Variants in SENP6 observed in about 807,000 individuals in gnomAD.
SENP6 encodes the protein sentrin-specific protease 6.
A neutral mutation model predicts 134.5 loss-of-function variants in SENP6; 41 were observed. The observed-to-expected ratio is 0.30, with a 90% CI of 0.24 to 0.40. The LOEUF is 0.40. SENP6 is among the 10% of genes least tolerant of loss of function. SENP6 has a pLI of 1.00. For synonymous variants in SENP6, 395 were observed against 429.8 expected (o/e 0.92, Z 1.00); for missense variants, 1,248 against 1,312.5 (o/e 0.95, Z 0.76).
At chr6:75,634,685 T>C in intron 4 of SENP6, 22 bp from the exon 5 acceptor site, 1 of 1,373,318 alleles carries the variant, frequency 7.3e-7, no homozygotes, top group Non-Finnish European at 1.0e-6. Context: ...TTCAAGTTAT[T>C]TTTTGTTTCT....
At position 75,609,108 on chromosome 6, in the gene SENP6, T is replaced by G. The variant is rs1049069783; in HGVS notation, c.52+6532T>G. ...GAACTTGAGGTATAGAAGGGTTGTTTGGCACAGCTTAAGTTATTGGGGAAG... is the reference window on the plus strand; with the variant it reads ...GAACTTGAGGTATAGAAGGGTTGTTGGGCACAGCTTAAGTTATTGGGGAAG... On this transcript the variant is annotated intron_variant, in intron 1 of 23. Coordinates refer to ENST00000447266, the MANE Select transcript of SENP6 (RefSeq NM_015571.4). Among the ~76,000 whole-genome samples, 4 of 143,256 alleles carry G rather than the reference T, an allele frequency of 2.8e-5. No individual in the cohort carries two copies. The East Asian group carries it at 7.7e-4, about 28-fold the overall frequency. 94.0% of individuals were successfully genotyped at this position (143,256 alleles called of 152,430 possible). A position where few individuals can be genotyped will look rare whatever the true frequency, so the allele number is the denominator to read the frequency against.
intron 7 of SENP6, among the ~76,000 whole-genome samples, chr6:75,656,954 G>C (rs1246698002): frequency 1.3e-5 from 2 of 152,152 alleles, no homozygotes; most frequent in African/African-American, 2.4e-5. Context: ...TAGACATGAT[G>C]TTATAGGTAT....
intron 6 of SENP6, among the ~76,000 whole-genome samples, chr6:75,641,924 C>A (rs72654725): frequency 6.6e-6 from 1 of 151,490 alleles, no homozygotes; most frequent in East Asian, 1.9e-4. Context: ...AAAAAAAAAA[C>A]GAGTCTATAG....
intron 8 of SENP6, among the ~76,000 whole-genome samples, chr6:75,660,860 A>C (rs1771720474): frequency 6.6e-6 from 1 of 151,922 alleles, no homozygotes; most frequent in Admixed American, 6.6e-5. Context: ...TGAACTCCTG[A>C]CCTCACGTGG....
At chr6:75,677,415 A>G in intron 14 of SENP6, 159 bp downstream of exon 14, 1 of 613,120 alleles carries the variant, frequency 1.6e-6, no homozygotes, top group Non-Finnish European at 2.7e-6. Flanking sequence ...CCTTGTGTCA[A>G]AACAGTGGTG....
intron 6 of SENP6, chr6:75,646,627 G>C: frequency 6.6e-6 from 1 of 152,368 alleles, no homozygotes. Context: ...ACGAGGTCAG[G>C]AGATCAAGAC....
At chr6:75,691,814 T>C (rs1774294302) in intron 16 of SENP6, among the ~76,000 whole-genome samples, 1 of 152,082 alleles carries the variant, frequency 6.6e-6, no homozygotes, top group Admixed American at 6.5e-5. Context: ...CAGGATGGTC[T>C]CGATCTCCTG....
chr6:75,664,270 AAAC>A, intron 9 of SENP6, among the ~76,000 whole-genome samples: 1 of 152,096 alleles, frequency 6.6e-6, no homozygotes, highest in Non-Finnish European at 1.5e-5. Flanking sequence ...TAAAAAAAAA[AAAC>A]AATAATAATA....
chr6:75,659,128 A>G, intron 7 of SENP6, 134 bp from the exon 8 acceptor site: 1 of 644,682 alleles, frequency 1.6e-6, no homozygotes, highest in Non-Finnish European at 2.6e-6. Context: ...CCTGCTGAGG[A>G]GTGAAAAATA....
chr6:75,715,756 A>G lies in SENP6; in HGVS notation c.*162A>G. 2.0e-6 allele frequency: 1 copy of G among 487,986 alleles called. No individual in the cohort carries two copies. The highest frequency in any genetic ancestry group is 3.5e-6 in the Non-Finnish European group (1 of 283,824). The allele number at this position is 487,986 out of a possible 1,614,324, so 30.2% of individuals were successfully genotyped here. A position where few individuals can be genotyped will look rare whatever the true frequency, so the allele number is the denominator to read the frequency against. ...TTTCCAAAGGCGTATGTATTAAGTAAAAGTCTGTAAATATGTTAATGAGGC... is the reference window on the plus strand; with the variant it reads ...TTTCCAAAGGCGTATGTATTAAGTAGAAGTCTGTAAATATGTTAATGAGGC... On this transcript the variant is annotated 3_prime_UTR_variant, in exon 24 of 24. Transcript: ENST00000447266.
At chr6:75,673,284 A>T (rs1322652484) in intron 11 of SENP6, among the ~76,000 whole-genome samples, 12 of 149,760 alleles carry the variant, frequency 8.0e-5, no homozygotes, top group African/African-American at 2.9e-4. Context: ...AAATTTAGAA[A>T]CTTTCACAAT....
chr6:75,636,553 G>C (rs1460154760), intron 5 of SENP6, among the ~76,000 whole-genome samples: 1 of 152,158 alleles, frequency 6.6e-6, no homozygotes, highest in Non-Finnish European at 1.5e-5. Flanking sequence ...TTGCAGTAGA[G>C]ATTGATTAGG....
chr6:75,678,376 G>A (rs1424215094), intron 14 of SENP6: 3 of 458,302 alleles, frequency 6.5e-6, no homozygotes, highest in African/African-American at 6.2e-5. Flanking sequence ...AGTTGGGAGA[G>A]TATCACTATC....
intron 7 of SENP6, among the ~76,000 whole-genome samples, chr6:75,651,630 G>T (rs1167315085): frequency 6.6e-6 from 1 of 152,116 alleles, no homozygotes; most frequent in East Asian, 1.9e-4. Flanking sequence ...GGGATTACAG[G>T]TTTGGGCCAC....
intron 1 of SENP6, among the ~76,000 whole-genome samples, chr6:75,620,157 A>G (rs969606300): frequency 8.7e-5 from 13 of 150,122 alleles, no homozygotes; most frequent in Non-Finnish European, 1.5e-4. Flanking sequence ...TATGGTTTTG[A>G]TTTGCATTTT....
intron 5 of SENP6, among the ~76,000 whole-genome samples, chr6:75,638,588 GTGTATATATA>G (rs1164736732): frequency 1.5e-3 from 48 of 31,022 alleles, no homozygotes; most frequent in South Asian, 5.5e-3. Flanking sequence ...GTGTGTGTGT[GTGTATATATA>G]TATATATATA....
intron 1 of SENP6, among the ~76,000 whole-genome samples, chr6:75,607,675 C>T (rs1279765461): frequency 6.6e-6 from 1 of 152,070 alleles, no homozygotes; most frequent in Non-Finnish European, 1.5e-5. Flanking sequence ...TTCATTTCAG[C>T]CTGTCTTCCT....
chr6:75,632,087 G>T (rs1769154339), intron 3 of SENP6, among the ~76,000 whole-genome samples: 1 of 152,172 alleles, frequency 6.6e-6, no homozygotes, highest in South Asian at 2.1e-4. Flanking sequence ...TTGCTGCATA[G>T]TACCAGAGTT....
At chr6:75,622,703 A>G in intron 2 of SENP6, 1 of 967,658 alleles carries the variant, frequency 1.0e-6, no homozygotes, top group Non-Finnish European at 1.4e-6. Flanking sequence ...ATGTTAAAGA[A>G]ATTTTTATAC....
Sources: gnomAD v4.1 joint callset for allele counts (sites outside exome capture counted in the v4.1 genomes callset) on GRCh38, gnomAD v4.1.1 for gene constraint, MANE v1.5 for transcripts, NCBI Gene and HGNC (gene_info 2026-07-23, HGNC 2026-07-21) for gene names.